Variants in SLC10A7 observed in about 807,000 individuals in gnomAD.
SLC10A7 encodes sodium/bile acid cotransporter 7.
SLC10A7 carries 29 observed loss-of-function variants against 43.2 expected under a neutral mutation model. The ratio of observed to expected loss-of-function variants is 0.67; its 90% CI spans 0.50 to 0.92. SLC10A7 has a LOEUF of 0.92. Among genes scored for constraint, SLC10A7 ranks in the 40% least tolerant of loss-of-function variants. The pLI is 0.00. For missense variants in SLC10A7, 295 were observed against 403.2 expected, an observed-to-expected ratio of 0.73 and a Z score of 2.30; for synonymous variants, 152 against 144.8, an observed-to-expected ratio of 1.05 and a Z score of -0.35.
chr4:146,503,512 C>A (rs140983500), intron 4 of SLC10A7, among the ~76,000 whole-genome samples: 2 of 152,166 alleles, frequency 1.3e-5, no homozygotes, highest in African/African-American at 2.4e-5. Flanking sequence ...GATAAGGAAT[C>A]GCCATACTGG....
At chr4:146,305,859 C>G in intron 7 of SLC10A7, 67 bp downstream of exon 7, 1 of 1,382,780 alleles carries the variant, frequency 7.2e-7, no homozygotes, top group Non-Finnish European at 9.9e-7. Flanking sequence ...CTCAACTGCT[C>G]TGACATTATG....
chr4:146,508,264 C>T (rs7687917), intron 3 of SLC10A7, among the ~76,000 whole-genome samples: 121,317 of 152,066 alleles, frequency 0.8, 48,841 homozygotes, highest in East Asian at 0.96. Flanking sequence ...AGGAGGCATA[C>T]ATATATATGT....
At chr4:146,432,824 G>T (rs947441224) in intron 5 of SLC10A7, among the ~76,000 whole-genome samples, 1 of 152,074 alleles carries the variant, frequency 6.6e-6, no homozygotes, top group African/African-American at 2.4e-5. Flanking sequence ...CAGATCACGA[G>T]GTCAGGAGAT....
chr4:146,271,143 T>C (rs1324393490), intron 10 of SLC10A7, among the ~76,000 whole-genome samples: 1 of 152,214 alleles, frequency 6.6e-6, no homozygotes. Flanking sequence ...TCATCCAATC[T>C]GATAGTCTAA....
intron 5 of SLC10A7, among the ~76,000 whole-genome samples, chr4:146,389,790 T>C (rs1421714924): frequency 1.3e-5 from 2 of 152,246 alleles, no homozygotes; most frequent in Non-Finnish European, 2.9e-5. Flanking sequence ...TTTGGCCTTC[T>C]GGCTATGAAA....
chr4:146,274,331 G>A (rs1729075091), intron 10 of SLC10A7, among the ~76,000 whole-genome samples: 1 of 150,458 alleles, frequency 6.6e-6, no homozygotes, highest in African/African-American at 2.5e-5. Flanking sequence ...AGCTTCCCAA[G>A]TAGCTGGGAT....
rs559664903 is a variant in SLC10A7 at position 146,313,507 on chromosome 4, T to C, written c.472-7498A>G. Among the ~76,000 whole-genome samples the C allele has an allele frequency of 2.6e-5, 4 of 152,300 alleles. No homozygotes were observed. In the East Asian group the frequency reaches 7.7e-4, roughly 29 times the overall value. ...AGAAACTGACTCAATGTGAAGCAACTGAGACAATCAGATGGCTAGTTTTTT... is the reference window on the plus strand; with the variant it reads ...AGAAACTGACTCAATGTGAAGCAACCGAGACAATCAGATGGCTAGTTTTTT... On this transcript the variant is annotated intron_variant, in intron 6 of 11. Coordinates refer to ENST00000335472, the MANE Select transcript of SLC10A7 (RefSeq NM_001029998.6).
At chr4:146,515,630 C>A (rs1737879294) in intron 2 of SLC10A7, among the ~76,000 whole-genome samples, 1 of 152,140 alleles carries the variant, frequency 6.6e-6, no homozygotes, top group East Asian at 1.9e-4. Context: ...CCCAATGAGG[C>A]CGGGTGTGGT....
intron 5 of SLC10A7, among the ~76,000 whole-genome samples, chr4:146,365,171 G>C (rs1736309537): frequency 6.6e-6 from 1 of 152,030 alleles, no homozygotes; most frequent in Non-Finnish European, 1.5e-5. Flanking sequence ...AAAATACAGA[G>C]TTGTACAAAA....
At chr4:146,433,629 G>A (rs772296961) in intron 5 of SLC10A7, among the ~76,000 whole-genome samples, 5 of 152,110 alleles carry the variant, frequency 3.3e-5, no homozygotes, top group Non-Finnish European at 7.4e-5. Context: ...ACTTTTCAAG[G>A]CTGAGGTGGG....
intron 4 of SLC10A7, among the ~76,000 whole-genome samples, chr4:146,493,111 G>C (rs1409791882): frequency 6.6e-6 from 1 of 152,158 alleles, no homozygotes; most frequent in Non-Finnish European, 1.5e-5. Context: ...TTGGTGCACA[G>C]ACAAGCTACA....
rs75882297 is a variant in SLC10A7 at position 146,304,340 on chromosome 4, A to T, written c.555+1586T>A. Among the ~76,000 whole-genome samples the T allele has an allele frequency of 3.2e-4, 49 of 151,978 alleles. No homozygotes were observed. In the East Asian group the frequency reaches 9.1e-3, roughly 28 times the overall value. On this transcript the variant is annotated intron_variant, in intron 7 of 11. Coordinates refer to ENST00000335472, the MANE Select transcript of SLC10A7 (RefSeq NM_001029998.6). The stretch of plus-strand genomic sequence containing the variant: ...CAATGGTCATAAACACGGAGACCTT[A>T]TCAAAAGTTGCAGAATAAGGTAAAG...
chr4:146,285,542 G>T (rs1729839401), intron 9 of SLC10A7, among the ~76,000 whole-genome samples: 1 of 152,184 alleles, frequency 6.6e-6, no homozygotes, highest in African/African-American at 2.4e-5. Flanking sequence ...GCCAGTGCTT[G>T]TTAAGAATGT....
At chr4:146,415,024 C>T (rs1053431840) in intron 5 of SLC10A7, among the ~76,000 whole-genome samples, 7 of 152,014 alleles carry the variant, frequency 4.6e-5, no homozygotes, top group Non-Finnish European at 7.4e-5. Flanking sequence ...TTCAAATTTT[C>T]GGACTACTTC....
At chr4:146,313,039 C>T (rs1222877179) in intron 6 of SLC10A7, among the ~76,000 whole-genome samples, 1 of 152,120 alleles carries the variant, frequency 6.6e-6, no homozygotes, top group Non-Finnish European at 1.5e-5. Flanking sequence ...GTTTGGGAAC[C>T]AAAGGACCTG....
intron 5 of SLC10A7, among the ~76,000 whole-genome samples, chr4:146,439,287 C>T (rs982030605): frequency 6.6e-6 from 1 of 152,016 alleles, no homozygotes; most frequent in Non-Finnish European, 1.5e-5. Context: ...AGACCTGGGA[C>T]ATTATTAAAG....
chr4:146,495,887 G>C (rs1214026747), intron 4 of SLC10A7, among the ~76,000 whole-genome samples: 1 of 151,748 alleles, frequency 6.6e-6, no homozygotes, highest in Non-Finnish European at 1.5e-5. Context: ...TTGGAATTCA[G>C]CATGACTATC....
chr4:146,435,117 C>A (rs1730110588), intron 5 of SLC10A7, among the ~76,000 whole-genome samples: 1 of 152,088 alleles, frequency 6.6e-6, no homozygotes, highest in South Asian at 2.1e-4. Context: ...ACAGCAACAT[C>A]CAGTAAATCT....
intron 5 of SLC10A7, among the ~76,000 whole-genome samples, chr4:146,433,702 T>C (rs1729970529): frequency 1.3e-5 from 2 of 151,828 alleles, no homozygotes; most frequent in African/African-American, 4.8e-5. Flanking sequence ...CCCATCTCTA[T>C]AAAAATAAAA....
Sources: allele counts gnomAD v4.1 joint callset (sites outside exome capture counted in the v4.1 genomes callset), GRCh38; gene constraint gnomAD v4.1.1; transcripts MANE v1.5; gene names NCBI Gene and HGNC (gene_info 2026-07-23, HGNC 2026-07-21).